Variants in C1QTNF7 observed in about 807,000 individuals in gnomAD.
The protein encoded by C1QTNF7 is C1q and TNF related 7.
Under a neutral mutation model 19.6 loss-of-function variants are expected in C1QTNF7, and 15 were observed. That is an observed-to-expected ratio of 0.76 (90% CI 0.51 to 1.18). The LOEUF (loss-of-function observed/expected upper bound fraction) is 1.18. C1QTNF7 is among the 50% of genes most tolerant of loss of function. The pLI is 0.00. For synonymous variants in C1QTNF7, 142 were observed against 137.5 expected, an observed-to-expected ratio of 1.03 and a Z score of -0.23; for missense variants, 324 against 359.7, an observed-to-expected ratio of 0.90 and a Z score of 0.80.
intron 1 of C1QTNF7, among the ~76,000 whole-genome samples, chr4:15,348,558 C>T (rs1716794017): frequency 6.6e-6 from 1 of 152,106 alleles, no homozygotes. Flanking sequence ...GCAGGAAATG[C>T]CCATCAGTAA....
intron 1 of C1QTNF7, among the ~76,000 whole-genome samples, chr4:15,393,136 T>C (rs534827575): frequency 1.1e-4 from 16 of 152,312 alleles, no homozygotes; most frequent in South Asian, 2.1e-4. Context: ...AGGGGAAATC[T>C]CTTTCGCTTG....
chr4:15,384,338 G>T (rs1012490113), intron 1 of C1QTNF7, among the ~76,000 whole-genome samples: 2 of 152,088 alleles, frequency 1.3e-5, no homozygotes, highest in African/African-American at 4.8e-5. Context: ...ATTTACAAAG[G>T]ATCTCATCTA....
At chr4:15,341,910 G>A (rs1716553036) in intron 1 of C1QTNF7, among the ~76,000 whole-genome samples, 1 of 152,210 alleles carries the variant, frequency 6.6e-6, no homozygotes, top group African/African-American at 2.4e-5. Flanking sequence ...AGAAGCCGGA[G>A]CGCGAACTTC....
chr4:15,344,689 A>G (rs1716655278), intron 1 of C1QTNF7, among the ~76,000 whole-genome samples: 1 of 152,240 alleles, frequency 6.6e-6, no homozygotes, highest in Middle Eastern at 3.2e-3. Context: ...CTTCTCTTTC[A>G]TATCAAGCAG....
At chr4:15,370,251 C>A (rs780919562) in intron 1 of C1QTNF7, among the ~76,000 whole-genome samples, 3 of 151,690 alleles carry the variant, frequency 2.0e-5, no homozygotes, top group Non-Finnish European at 4.4e-5. Context: ...CAACAACTGG[C>A]GAAAAAAAGC....
chr4:15,414,433 A>G (rs1291273566), intron 1 of C1QTNF7, among the ~76,000 whole-genome samples: 1 of 152,198 alleles, frequency 6.6e-6, no homozygotes, highest in Non-Finnish European at 1.5e-5. Flanking sequence ...GCATTGCCCA[A>G]TGACATCTCA....
intron 1 of C1QTNF7, among the ~76,000 whole-genome samples, chr4:15,413,440 G>A (rs990780954): frequency 2.0e-5 from 3 of 152,188 alleles, no homozygotes; most frequent in African/African-American, 7.2e-5. Flanking sequence ...CAACATGGAT[G>A]AGATGCTAAA....
At chr4:15,421,732 T>C (rs1560364970) in intron 1 of C1QTNF7, among the ~76,000 whole-genome samples, 1 of 152,120 alleles carries the variant, frequency 6.6e-6, no homozygotes, top group African/African-American at 2.4e-5. Flanking sequence ...ACACCTGTAA[T>C]AAGGAGATAA....
chr4:15,374,726 C>T, intron 1 of C1QTNF7: 5 of 985,392 alleles, frequency 5.1e-6, no homozygotes, highest in Non-Finnish European at 6.0e-6. Flanking sequence ...TCTGCGCACA[C>T]TAGAGTTCAA....
At chr4:15,404,510 T>C (rs1168166942) in intron 1 of C1QTNF7, among the ~76,000 whole-genome samples, 2 of 152,370 alleles carry the variant, frequency 1.3e-5, no homozygotes, top group Non-Finnish European at 2.9e-5. Flanking sequence ...GTGTTTTTTA[T>C]GCTAGTATTA....
chr4:15,339,933 C>G (rs1178152838), upstream of C1QTNF7: 30 of 572,876 alleles, frequency 5.2e-5, no homozygotes, highest in Non-Finnish European at 6.1e-6. Flanking sequence ...TTGGCAAGTC[C>G]CTGGGAGAAG....
At chr4:15,355,902 A>G (rs1717129153) in intron 1 of C1QTNF7, among the ~76,000 whole-genome samples, 1 of 152,038 alleles carries the variant, frequency 6.6e-6, no homozygotes, top group Non-Finnish European at 1.5e-5. Flanking sequence ...ACGTTGTCCA[A>G]GCTGGAGTGC....
intron 1 of C1QTNF7, among the ~76,000 whole-genome samples, chr4:15,356,211 A>G (rs943674529): frequency 1.3e-5 from 2 of 152,056 alleles, no homozygotes; most frequent in Admixed American, 1.3e-4. Flanking sequence ...TCAACCCGTC[A>G]TCTACATTAG....
rs1271135966 is a variant in C1QTNF7, at chr4:15,444,156, T to G, written c.*1357T>G. ...CCTTTTGGTAACTTCCAATCCTCCTTCTATGTATTCCTTTCTCTGCTCATT... is the reference window on the plus strand; with the variant it reads ...CCTTTTGGTAACTTCCAATCCTCCTGCTATGTATTCCTTTCTCTGCTCATT... On this transcript the variant is annotated 3_prime_UTR_variant, in exon 3 of 3. Transcript: ENST00000444304. 8 of 152,192 alleles carry G rather than the reference T, an allele frequency of 5.3e-5. No individual in the cohort carries two copies. The highest frequency in any genetic ancestry group is 1.9e-4 in the African/African-American group (8 of 41,446). The allele number at this position is 152,192 out of a possible 1,614,324, so 9.4% of individuals were successfully genotyped here.
At chr4:15,395,080 C>G (rs1021835685) in intron 1 of C1QTNF7, among the ~76,000 whole-genome samples, 1 of 152,146 alleles carries the variant, frequency 6.6e-6, no homozygotes, top group Non-Finnish European at 1.5e-5. Flanking sequence ...GGGAAAGAGC[C>G]TGGCTGGTCA....
chr4:15,408,053 G>C lies in C1QTNF7; in HGVS notation c.14-27683G>C, dbSNP rs570236700. On this transcript the variant is annotated intron_variant, in intron 1 of 2. Coordinates refer to the C1QTNF7 transcript ENST00000295297. The stretch of plus-strand genomic sequence containing the variant: ...GGAGGCCGAGGCAGGCGGATCATGA[G>C]GTCAGGAGTTCGAGAGCAGCCTGGC... 4.6e-5 allele frequency among the ~76,000 whole-genome samples: 7 copies of C among 152,266 alleles called. No individual in the cohort carries two copies. The South Asian group carries it at 1.0e-3, about 23-fold the overall frequency.
At chr4:15,365,336 G>A (rs939462590) in intron 1 of C1QTNF7, among the ~76,000 whole-genome samples, 2 of 151,948 alleles carry the variant, frequency 1.3e-5, no homozygotes, top group Non-Finnish European at 2.9e-5. Context: ...GCTAACAAAT[G>A]TGCAGCCTTG....
Position 15,436,815 on chromosome 4 carries a change from G to T in C1QTNF7, c.238+834G>T, listed in dbSNP as rs545890858. 3.3e-5 allele frequency among the ~76,000 whole-genome samples: 5 copies of T among 152,306 alleles called. No homozygotes were observed. In the East Asian group the frequency reaches 9.6e-4, roughly 29 times the overall value. Reference sequence around the variant, plus strand: ...TCAAGACAAGTTGCTGAGCATAAAAGTTGGGACAAAAGATAGGAAGGAAAA... The same window carrying T: ...TCAAGACAAGTTGCTGAGCATAAAATTTGGGACAAAAGATAGGAAGGAAAA... On this transcript the variant is annotated intron_variant, in intron 2 of 2. Coordinates refer to ENST00000444304, the MANE Select transcript of C1QTNF7 (RefSeq NM_031911.5).
intron 1 of C1QTNF7, among the ~76,000 whole-genome samples, chr4:15,360,883 CT>C (rs796304713): frequency 5.9e-5 from 9 of 152,270 alleles, no homozygotes; most frequent in African/African-American, 2.2e-4. Flanking sequence ...GAAATAGCAT[CT>C]GTACTTAAAC....
Sources: gnomAD v4.1 joint callset for allele counts (sites outside exome capture counted in the v4.1 genomes callset) on GRCh38, gnomAD v4.1.1 for gene constraint, MANE v1.5 for transcripts, NCBI Gene and HGNC (gene_info 2026-07-23, HGNC 2026-07-21) for gene names.